The following ENY2 variants were observed in gnomAD, a reference collection of about 807,000 sequenced individuals.
ENY2 encodes transcription and mRNA export factor ENY2.
ENY2 carries 4 observed loss-of-function variants against 15.9 expected under a neutral mutation model. The ratio of observed to expected loss-of-function variants is 0.25; its 90% CI spans 0.12 to 0.57. The LOEUF (loss-of-function observed/expected upper bound fraction) is 0.57, where lower values mean the gene tolerates loss of function less well. Ranked by LOEUF, ENY2 falls within the 20% of genes least tolerant of loss-of-function variation. ENY2 has a pLI of 0.91. For synonymous variants in ENY2, 48 were observed against 38.0 expected, an observed-to-expected ratio of 1.26 and a Z score of -0.97; for missense variants, 54 against 117.2, an observed-to-expected ratio of 0.46 and a Z score of 2.49.
intron 4 of ENY2, 52 bp downstream of exon 4, chr8:109,340,615 T>A (rs763478853): frequency 3.4e-5 from 54 of 1,599,426 alleles, no homozygotes; most frequent in East Asian, 1.3e-4. Context: ...ATGATTTTTT[T>A]AAAATCTCTT....
At chr8:109,340,762 A>C in intron 4 of ENY2, 199 bp downstream of exon 4, 1 of 575,530 alleles carries the variant, frequency 1.7e-6, no homozygotes, top group Admixed American at 3.4e-5. Context: ...GTGTTCTTGT[A>C]CTCTAGAACA....
intron 1 of ENY2, chr8:109,334,963 ACT>A (rs1446532075): frequency 6.5e-6 from 1 of 153,970 alleles, no homozygotes; most frequent in Admixed American, 6.5e-5. Flanking sequence ...AAAAAAATCA[ACT>A]CTGGTAACTC....
intron 1 of ENY2, 73 bp downstream of exon 1, chr8:109,334,547 G>A (rs996275373): frequency 1.3e-6 from 2 of 1,535,244 alleles, no homozygotes; most frequent in East Asian, 4.8e-5. Context: ...ACTGTCTTTC[G>A]TTAGCGTCCC....
At chr8:109,341,679 T>A (rs879896292) in intron 4 of ENY2, among the ~76,000 whole-genome samples, 1 of 152,172 alleles carries the variant, frequency 6.6e-6, no homozygotes, top group Non-Finnish European at 1.5e-5. Flanking sequence ...AAAAGAGAAG[T>A]AAAAATAGAT....
chr8:109,340,684 A>G (rs904261655), intron 4 of ENY2, 121 bp downstream of exon 4: 1 of 1,299,662 alleles, frequency 7.7e-7, no homozygotes, highest in Non-Finnish European at 1.1e-6. Flanking sequence ...TGCCTCTTGT[A>G]AAGAGTTAAA....
intron 2 of ENY2, chr8:109,338,909 G>A (rs1162354633): frequency 6.1e-6 from 1 of 163,484 alleles, no homozygotes; most frequent in Admixed American, 6.2e-5. Context: ...AGGGTAAGAA[G>A]TTGAGGTTAA....
At chr8:109,339,445 T>C in intron 3 of ENY2, 55 bp downstream of exon 3, 1 of 1,501,876 alleles carries the variant, frequency 6.7e-7, no homozygotes, top group Admixed American at 1.7e-5. Flanking sequence ...TCAGGATTGG[T>C]TTGGGGGTTG....
rs1007352530 is a variant in ENY2, at chr8:109,334,384, C to G, written c.-85C>G. On this transcript the variant is annotated 5_prime_UTR_variant, in exon 1 of 5. Coordinates refer to ENST00000521688, the MANE Select transcript of ENY2 (RefSeq NM_020189.6). ...GCCCGAGCTACTGAGGGTCTAAGTC[C>G]GGGCAGCCGAAGAGTGTGGTAGGTA... 2.1e-5 allele frequency: 33 copies of G among 1,599,536 alleles called. No individual in the cohort carries two copies. Among genetic ancestry groups the G allele is most frequent in the Non-Finnish European group, 2.8e-5 (33 of 1,170,062 alleles).
At chr8:109,337,899 C>CA (rs113480072) in intron 2 of ENY2, among the ~76,000 whole-genome samples, 1,857 of 136,784 alleles carry the variant, frequency 0.014, 26 homozygotes, top group African/African-American at 0.039. Context: ...AACTCCGTCT[C>CA]AAAAAAAAAA....
At position 109,344,047 on chromosome 8, in the gene ENY2, T is replaced by G. The variant is rs1395137226; in HGVS notation, c.*566T>G. On this transcript the variant is annotated 3_prime_UTR_variant, in exon 5 of 5. Coordinates refer to ENST00000521688, the MANE Select transcript of ENY2 (RefSeq NM_020189.6). ...AAGCTCCTTCCACATACTCTACTCA[T>G]CTGAACTTTGAATGCAGAATCTTTA... 6.6e-6 allele frequency: 1 copy of G among 152,222 alleles called. No individual in the cohort carries two copies. Among genetic ancestry groups the G allele is most frequent in the Non-Finnish European group, 1.5e-5 (1 of 68,066 alleles). 9.4% of individuals were successfully genotyped at this position (152,222 alleles called of 1,614,324 possible).
intron 1 of ENY2, chr8:109,335,836 CTG>C (rs1815966581): frequency 4.7e-6 from 1 of 213,492 alleles, no homozygotes; most frequent in Admixed American, 5.7e-5. Flanking sequence ...CTTTCTATCT[CTG>C]TGCCTCAGTT....
chr8:109,340,593 C>T (rs1297089668), intron 4 of ENY2, 30 bp downstream of exon 4: 4 of 1,606,392 alleles, frequency 2.5e-6, no homozygotes, highest in Non-Finnish European at 3.4e-6. Context: ...TTAAAGGAAA[C>T]ATGCTGCAGA....
intron 1 of ENY2, chr8:109,334,677 C>T (rs995938935): frequency 3.4e-6 from 2 of 595,816 alleles, no homozygotes; most frequent in South Asian, 2.1e-5. Flanking sequence ...CTGTCTCCGC[C>T]CTGTTCTATT....
intron 2 of ENY2, among the ~76,000 whole-genome samples, chr8:109,337,855 C>T (rs185939078): frequency 4.0e-5 from 6 of 151,794 alleles, no homozygotes; most frequent in East Asian, 1.9e-4. Flanking sequence ...GCTGAGATCG[C>T]GCCACTTCAC....
At position 109,340,523 on chromosome 8, in the gene ENY2, T is replaced by C. The variant is rs1343085839; in HGVS notation, c.189T>C (p.Thr63=). 2 of 1,613,598 alleles carry C rather than the reference T, an allele frequency of 1.2e-6. No homozygotes were observed. Among genetic ancestry groups the C allele is most frequent in the South Asian group, 1.1e-5 (1 of 91,074 alleles). ...VIKEKGLEHV[T]VDDLVAEITP... is the part of the protein sequence containing the mutation. ...AAGAAAAAGGACTAGAACACGTTAC[T>C]GTTGATGACTTGGTGGCTGAAATCA... The change falls in exon 4 of 5, where the codon ACT becomes ACC. Residue 63 remains threonine, a synonymous_variant. Transcript: ENST00000521688.
chr8:109,343,716 A>T lies in ENY2; in HGVS notation c.*235A>T, dbSNP rs76504204. 0.01 allele frequency: 4,413 copies of T among 437,278 alleles called. 187 individuals are homozygous for T. The highest frequency in any genetic ancestry group is 0.084 in the African/African-American group (4,101 of 48,762). The allele number at this position is 437,278 out of a possible 1,614,324, so 27.1% of individuals were successfully genotyped here. ...TGAATGGGACTTTGTCTTTATTACT[A>T]ATTCACCAAATTTGTTGAGCGCAAA... On this transcript the variant is annotated 3_prime_UTR_variant, in exon 5 of 5. Coordinates refer to ENST00000521688, the MANE Select transcript of ENY2 (RefSeq NM_020189.6).
At position 109,345,294 on chromosome 8, in the gene ENY2, G is replaced by A. The variant is rs1262138373; in HGVS notation, c.*1813G>A. 1 of 152,206 alleles carries A rather than the reference G, an allele frequency of 6.6e-6. No homozygotes were observed. Among genetic ancestry groups the A allele is most frequent in the Admixed American group, 6.5e-5 (1 of 15,284 alleles). 9.4% of individuals were successfully genotyped at this position (152,206 alleles called of 1,614,324 possible). A position where few individuals can be genotyped will look rare whatever the true frequency, so the allele number is the denominator to read the frequency against. The stretch of plus-strand genomic sequence containing the variant: ...CTTTGTATGATGCTTATTTGTGGAT[G>A]AATGGGCAAGGGAAAAAATGAAGGA... On this transcript the variant is annotated 3_prime_UTR_variant, in exon 5 of 5. Coordinates refer to ENST00000521688, the MANE Select transcript of ENY2 (RefSeq NM_020189.6).
rs1816192587 is a variant in ENY2 at position 109,344,531 on chromosome 8, ACTT to A, written c.*1052_*1054del. On this transcript the variant is annotated 3_prime_UTR_variant, in exon 5 of 5. Transcript: ENST00000521688. ...TGGATCAACTTTTTAGAATATCCTC[ACTT>A]CAAACTGACCTTACCTAAAATAATG... 1 of 152,284 alleles carries A rather than the reference ACTT, an allele frequency of 6.6e-6. No homozygotes were observed. Among genetic ancestry groups the A allele is most frequent in the Non-Finnish European group, 1.5e-5 (1 of 68,106 alleles). The allele number at this position is 152,284 out of a possible 1,614,324, so 9.4% of individuals were successfully genotyped here.
At position 109,341,841 on chromosome 8, in the gene ENY2, C is replaced by G. The variant is rs933391152; in HGVS notation, c.229+1278C>G. On this transcript the variant is annotated intron_variant, in intron 4 of 4. Transcript: ENST00000521688. Reference sequence around the variant, plus strand: ...TACCACCGTCAGGATACAGAACAAACAGTTCCCTCACCACCAAAACCTCCC... The same window carrying G: ...TACCACCGTCAGGATACAGAACAAAGAGTTCCCTCACCACCAAAACCTCCC... Among the ~76,000 whole-genome samples, 4 of 152,210 alleles carry G rather than the reference C, an allele frequency of 2.6e-5. No individual in the cohort carries two copies. The East Asian group carries it at 7.7e-4, about 29-fold the overall frequency.
Sources: gnomAD v4.1 joint callset for allele counts (sites outside exome capture counted in the v4.1 genomes callset) on GRCh38, gnomAD v4.1.1 for gene constraint, MANE v1.5 for transcripts, NCBI Gene and HGNC (gene_info 2026-07-23, HGNC 2026-07-21) for gene names.